The following SCLT1 variants were observed in gnomAD, a reference collection of about 807,000 sequenced individuals.
SCLT1 encodes sodium channel and clathrin linker 1.
Under a neutral mutation model 112.8 loss-of-function variants are expected in SCLT1, and 78 were observed. That is an observed-to-expected ratio of 0.69 (90% CI 0.58 to 0.83). The LOEUF (loss-of-function observed/expected upper bound fraction) is 0.83. Among genes scored for constraint, SCLT1 ranks in the 40% least tolerant of loss-of-function variants. SCLT1 has a pLI of 0.00. For missense variants in SCLT1, 747 were observed against 770.4 expected (o/e 0.97, Z 0.36); for synonymous variants, 257 against 254.7 (o/e 1.01, Z -0.09).
chr4:128,874,008 AG>A (rs1260321684), intron 5 of SCLT1: 2 of 152,594 alleles, frequency 1.3e-5, no homozygotes, highest in Non-Finnish European at 2.9e-5. Flanking sequence ...AATTCAGGGG[AG>A]GGGGAAGAAT....
chr4:129,043,865 G>T (rs1747932991), intron 3 of SCLT1, 128 bp downstream of exon 3: 1 of 603,370 alleles, frequency 1.7e-6, no homozygotes, highest in African/African-American at 1.9e-5. Flanking sequence ...GCTTTTTCTT[G>T]TCAATTCAAG....
intron 2 of SCLT1, among the ~76,000 whole-genome samples, chr4:129,057,411 T>C (rs1204298731): frequency 1.3e-5 from 1 of 74,374 alleles, no homozygotes; most frequent in Admixed American, 1.3e-4. Flanking sequence ...ATATTATTCT[T>C]TTTTTTTTTT....
Position 129,075,874 on chromosome 4 carries a change from A to AC in SCLT1, c.102+6431_102+6432insG, listed in dbSNP as rs1309271433. Among the ~76,000 whole-genome samples the AC allele has an allele frequency of 2.6e-5, 4 of 152,166 alleles. No individual in the cohort carries two copies. In the East Asian group the frequency reaches 7.7e-4, roughly 29 times the overall value. ...TCTTTAATATAATTTTCAAATAACT[A>AC]TTTTTTTATGACAGTTGGCACAAAC... On this transcript the variant is annotated intron_variant, in intron 2 of 20. Coordinates refer to ENST00000281142, the MANE Select transcript of SCLT1 (RefSeq NM_144643.4).
At chr4:129,022,706 A>C (rs1006326865) in intron 5 of SCLT1, among the ~76,000 whole-genome samples, 1 of 152,216 alleles carries the variant, frequency 6.6e-6, no homozygotes, top group African/African-American at 2.4e-5. Flanking sequence ...AATGGAACCA[A>C]GTCAGAAAAC....
At chr4:128,928,690 G>C (rs961142536) in intron 18 of SCLT1, among the ~76,000 whole-genome samples, 2 of 152,112 alleles carry the variant, frequency 1.3e-5, no homozygotes, top group African/African-American at 4.8e-5. Context: ...AAACTAACCA[G>C]GCGTGGTGGT....
intron 1 of SCLT1, among the ~76,000 whole-genome samples, chr4:129,087,982 G>A (rs899917030): frequency 3.3e-5 from 5 of 151,552 alleles, no homozygotes; most frequent in African/African-American, 1.2e-4. Context: ...AGCTTCTCAG[G>A]AGGCTGAGGC....
intron 5 of SCLT1, among the ~76,000 whole-genome samples, chr4:129,034,051 C>A (rs899038145): frequency 6.6e-6 from 1 of 152,082 alleles, no homozygotes; most frequent in Non-Finnish European, 1.5e-5. Flanking sequence ...CCAGAAATTT[C>A]TTTTCTCTTT....
At chr4:128,990,756 C>T (rs369338832) in intron 9 of SCLT1, among the ~76,000 whole-genome samples, 4 of 150,072 alleles carry the variant, frequency 2.7e-5, no homozygotes, top group East Asian at 2.0e-4. Flanking sequence ...ACAAGATCAA[C>T]GAACAAAAAT....
chr4:129,027,169 G>GA (rs1746185794), intron 5 of SCLT1, among the ~76,000 whole-genome samples: 1 of 152,110 alleles, frequency 6.6e-6, no homozygotes, highest in Non-Finnish European at 1.5e-5. Context: ...CCAATCAATA[G>GA]AAAAGGAGGG....
chr4:128,928,906 G>A (rs1484877407), intron 18 of SCLT1, among the ~76,000 whole-genome samples: 1 of 152,086 alleles, frequency 6.6e-6, no homozygotes, highest in Admixed American at 6.5e-5. Context: ...CTTCCTGAAT[G>A]TGATAGAGGT....
At chr4:129,062,073 C>T (rs754598322) in intron 2 of SCLT1, among the ~76,000 whole-genome samples, 4 of 152,062 alleles carry the variant, frequency 2.6e-5, no homozygotes, top group Non-Finnish European at 4.4e-5. Context: ...TGCAGGGGAC[C>T]CCAGTGGCAA....
At chr4:129,058,359 T>C (rs1749638828) in intron 2 of SCLT1, among the ~76,000 whole-genome samples, 1 of 152,214 alleles carries the variant, frequency 6.6e-6, no homozygotes, top group African/African-American at 2.4e-5. Context: ...AGGCATTTAT[T>C]GTTATAAATT....
intron 20 of SCLT1, among the ~76,000 whole-genome samples, 186 bp downstream of exon 20, chr4:128,888,493 C>T (rs776254827): frequency 7.9e-5 from 12 of 152,208 alleles, no homozygotes; most frequent in Admixed American, 3.3e-4. Flanking sequence ...GCTGGCATTA[C>T]AGTTGCGAGC....
At chr4:129,051,804 G>A (rs867373600) in intron 2 of SCLT1, among the ~76,000 whole-genome samples, 4 of 152,110 alleles carry the variant, frequency 2.6e-5, no homozygotes, top group Admixed American at 6.6e-5. Flanking sequence ...GTCACGTGTC[G>A]GTTTTCAAAG....
chr4:128,877,497 T>C (rs558779933), intron 3 of SCLT1, among the ~76,000 whole-genome samples: 6 of 152,172 alleles, frequency 3.9e-5, no homozygotes, highest in African/African-American at 1.4e-4. Flanking sequence ...CTGACCAATA[T>C]AGTGAAACCC....
At chr4:128,948,335 C>CAAAAAAAA (rs11312069) in intron 15 of SCLT1, among the ~76,000 whole-genome samples, 161 bp downstream of exon 15, 14 of 47,962 alleles carry the variant, frequency 2.9e-4, no homozygotes, top group African/African-American at 5.7e-4. Flanking sequence ...GACTCCATTG[C>CAAAAAAAA]AAAAAAAAAA....
chr4:128,970,730 A>T, intron 9 of SCLT1: 1 of 298,018 alleles, frequency 3.4e-6, no homozygotes, highest in African/African-American at 2.2e-5. Context: ...TTATATACCA[A>T]AGTGATTCAA....
downstream of SCLT1, among the ~76,000 whole-genome samples, chr4:128,883,592 C>G (rs1481174937): frequency 3.3e-5 from 5 of 152,204 alleles, no homozygotes; most frequent in Admixed American, 6.5e-5. Context: ...ACTATCTTAA[C>G]TGTTAGCACC....
At chr4:128,984,838 T>C (rs1452721392) in intron 9 of SCLT1, among the ~76,000 whole-genome samples, 2 of 152,104 alleles carry the variant, frequency 1.3e-5, no homozygotes, top group Admixed American at 6.5e-5. Flanking sequence ...TTTTTGCTCA[T>C]TCCCAATCCC....
Sources: gnomAD v4.1 joint callset for allele counts (sites outside exome capture counted in the v4.1 genomes callset) on GRCh38, gnomAD v4.1.1 for gene constraint, MANE v1.5 for transcripts, NCBI Gene and HGNC (gene_info 2026-07-23, HGNC 2026-07-21) for gene names.